Variants in TMOD2 observed in about 807,000 individuals in gnomAD.
TMOD2 encodes tropomodulin-2.
TMOD2 carries 22 observed loss-of-function variants against 39.9 expected under a neutral mutation model. The observed-to-expected ratio is 0.55, with a 90% CI of 0.39 to 0.79. The LOEUF is 0.79. TMOD2 is among the 30% of genes least tolerant of loss of function. The pLI is 0.00. For synonymous variants in TMOD2, 123 were observed against 146.1 expected, an observed-to-expected ratio of 0.84 and a Z score of 1.14; for missense variants, 386 against 413.3, an observed-to-expected ratio of 0.93 and a Z score of 0.57.
intron 3 of TMOD2, among the ~76,000 whole-genome samples, chr15:51,770,893 A>G (rs753698787): frequency 6.6e-6 from 1 of 152,262 alleles, no homozygotes; most frequent in Non-Finnish European, 1.5e-5. Context: ...ATCTGTTTCT[A>G]TAGCAACATA....
Position 51,813,947 on chromosome 15 carries a change from A to T in TMOD2, c.*5493A>T, listed in dbSNP as rs2056173265. The T allele has an allele frequency of 6.6e-6, 1 of 152,140 alleles. No homozygotes were observed. Among genetic ancestry groups the T allele is most frequent in the African/African-American group, 2.4e-5 (1 of 41,424 alleles). 9.4% of individuals were successfully genotyped at this position (152,140 alleles called of 1,614,324 possible). A position where few individuals can be genotyped will look rare whatever the true frequency, so the allele number is the denominator to read the frequency against. ...CTTTCTCATCTTTTGGAGTATGGGT[A>T]ATTGAGGCTTGGGTGTGTCATCAGG... On this transcript the variant is annotated 3_prime_UTR_variant, in exon 10 of 10. Transcript: ENST00000249700.
Position 51,808,592 on chromosome 15 carries a change from C to T in TMOD2, c.*138C>T. ...CATAACTAATAATTTAATTGTTATT[C>T]TTTTTTAGCACTACTTATTTATCTT... On this transcript the variant is annotated 3_prime_UTR_variant, in exon 10 of 10. Coordinates refer to ENST00000249700, the MANE Select transcript of TMOD2 (RefSeq NM_014548.4). The T allele has an allele frequency of 1.8e-6, 1 of 555,766 alleles. No individual in the cohort carries two copies. Among genetic ancestry groups the T allele is most frequent in the Non-Finnish European group, 3.0e-6 (1 of 329,480 alleles). The allele number at this position is 555,766 out of a possible 1,614,324, so 34.4% of individuals were successfully genotyped here.
chr15:51,782,343 G>A (rs756837842), intron 6 of TMOD2, among the ~76,000 whole-genome samples: 1 of 152,118 alleles, frequency 6.6e-6, no homozygotes, highest in Non-Finnish European at 1.5e-5. Context: ...CAGGCTAAGG[G>A]GAAAGCATAT....
intron 1 of TMOD2, among the ~76,000 whole-genome samples, chr15:51,756,015 G>A (rs560648271): frequency 2.6e-5 from 4 of 152,236 alleles, no homozygotes; most frequent in East Asian, 1.9e-4. Flanking sequence ...CCAGAAAGGC[G>A]CAGATCTCCA....
intron 7 of TMOD2, among the ~76,000 whole-genome samples, chr15:51,790,991 G>A (rs948989297): frequency 2.6e-5 from 4 of 152,186 alleles, no homozygotes; most frequent in Non-Finnish European, 5.9e-5. Flanking sequence ...CATAGTATTA[G>A]AAGTTCTGGC....
chr15:51,757,911 A>T (rs1226022702), intron 1 of TMOD2, among the ~76,000 whole-genome samples: 2 of 152,206 alleles, frequency 1.3e-5, no homozygotes, highest in Non-Finnish European at 1.5e-5. Context: ...CAAAAAATTT[A>T]AAAACTAGCT....
At chr15:51,762,300 T>C (rs182785206) in intron 1 of TMOD2, among the ~76,000 whole-genome samples, 49 of 146,074 alleles carry the variant, frequency 3.4e-4, no homozygotes, top group Non-Finnish European at 2.0e-4. Context: ...CTTCAAAAAA[T>C]AAAAAAAAAA....
chr15:51,803,168 C>CTTTT (rs771354231), intron 8 of TMOD2, among the ~76,000 whole-genome samples: 288 of 95,182 alleles, frequency 3.0e-3, no homozygotes, highest in East Asian at 9.4e-3. Flanking sequence ...TCTATATCTT[C>CTTTT]TTTTTTTTTT....
chr15:51,771,191 T>C (rs2141620033), intron 3 of TMOD2, among the ~76,000 whole-genome samples: 1 of 152,262 alleles, frequency 6.6e-6, no homozygotes, highest in East Asian at 1.9e-4. Context: ...GTAGCACAAC[T>C]GAATAAAGTG....
chr15:51,753,779 G>C (rs968867772), intron 1 of TMOD2, among the ~76,000 whole-genome samples: 7 of 151,986 alleles, frequency 4.6e-5, no homozygotes, highest in African/African-American at 1.7e-4. Context: ...AAAAGGATAG[G>C]GGTAGCAGAA....
rs1340322272 is a variant in TMOD2, at chr15:51,812,048, A to T, written c.*3594A>T. 1 of 151,952 alleles carries T rather than the reference A, an allele frequency of 6.6e-6. No individual in the cohort carries two copies. Among genetic ancestry groups the T allele is most frequent in the South Asian group, 2.1e-4 (1 of 4,818 alleles). The allele number at this position is 151,952 out of a possible 1,614,324, so 9.4% of individuals were successfully genotyped here. ...TTGTACATAAAGATCATCAAATACCATAATGGGGTATTTGGCTTCATCTGG... is the reference window on the plus strand; with the variant it reads ...TTGTACATAAAGATCATCAAATACCTTAATGGGGTATTTGGCTTCATCTGG... On this transcript the variant is annotated 3_prime_UTR_variant, in exon 10 of 10. Coordinates refer to ENST00000249700, the MANE Select transcript of TMOD2 (RefSeq NM_014548.4).
chr15:51,782,572 G>A, intron 6 of TMOD2, 149 bp from the exon 7 acceptor site: 1 of 628,764 alleles, frequency 1.6e-6, no homozygotes, highest in Non-Finnish European at 2.8e-6. Context: ...GGATAGCTTG[G>A]TTGCTGAAGG....
intron 2 of TMOD2, among the ~76,000 whole-genome samples, chr15:51,767,635 A>G (rs1261919742): frequency 2.3e-5 from 1 of 43,334 alleles, no homozygotes; most frequent in Non-Finnish European, 5.2e-5. Flanking sequence ...AATTACGGTT[A>G]AAAAAAAAAA....
intron 7 of TMOD2, 62 bp downstream of exon 7, chr15:51,782,890 T>A: frequency 6.7e-7 from 1 of 1,483,030 alleles, no homozygotes; most frequent in Non-Finnish European, 9.3e-7. Context: ...CTCTATTTAC[T>A]TTGTTTCATT....
intron 1 of TMOD2, among the ~76,000 whole-genome samples, chr15:51,758,435 A>G (rs1315142617): frequency 6.6e-6 from 1 of 152,218 alleles, no homozygotes; most frequent in East Asian, 1.9e-4. Flanking sequence ...GTGGGCTTAG[A>G]TGATCTCAGA....
chr15:51,787,380 A>G (rs1006062558), intron 7 of TMOD2, among the ~76,000 whole-genome samples: 9 of 152,266 alleles, frequency 5.9e-5, no homozygotes, highest in African/African-American at 1.9e-4. Flanking sequence ...ACCACAGCTC[A>G]GGAAGGCCTA....
At chr15:51,784,425 A>G (rs192535829) in intron 7 of TMOD2, 5 of 152,248 alleles carry the variant, frequency 3.3e-5, no homozygotes, top group Non-Finnish European at 5.9e-5. Flanking sequence ...ATGACTACCT[A>G]TCATGGTCCT....
intron 4 of TMOD2, among the ~76,000 whole-genome samples, chr15:51,774,275 A>G (rs770731439): frequency 2.0e-5 from 3 of 152,226 alleles, no homozygotes; most frequent in Non-Finnish European, 2.9e-5. Context: ...CAATAGCAAC[A>G]TGATAATAAT....
chr15:51,810,748 TC>T lies in TMOD2; in HGVS notation c.*2296del, dbSNP rs1297101166. On this transcript the variant is annotated 3_prime_UTR_variant, in exon 10 of 10. Coordinates refer to ENST00000249700, the MANE Select transcript of TMOD2 (RefSeq NM_014548.4). ...ACCTGCCTCTCCAAGTAAGCCTTTT[TC>T]CTTTTTTTTTTTTTTTTTCTTACTC... is the stretch of plus-strand genomic sequence containing the variant. 2.0e-4 allele frequency: 30 copies of T among 149,734 alleles called. No individual in the cohort carries two copies. The Admixed American group carries it at 2.1e-3, about 10-fold the overall frequency. 9.3% of individuals were successfully genotyped at this position (149,734 alleles called of 1,614,324 possible).
Sources: allele counts gnomAD v4.1 joint callset (sites outside exome capture counted in the v4.1 genomes callset), GRCh38; gene constraint gnomAD v4.1.1; transcripts MANE v1.5; gene names NCBI Gene and HGNC (gene_info 2026-07-23, HGNC 2026-07-21).